TLR6: variants seen among roughly 807,000 people sequenced by gnomAD.
TLR6 encodes the protein toll-like receptor 6.
In TLR6, 9 loss-of-function variants were observed where a neutral mutation model predicts 16.1. That is an observed-to-expected ratio of 0.56 (90% confidence interval 0.34 to 0.98). The LOEUF (loss-of-function observed/expected upper bound fraction) is 0.98. Ranked by LOEUF, TLR6 falls within the 50% of genes least tolerant of loss-of-function variation. The probability of loss-of-function intolerance (pLI) is 0.02; values close to 1 mark genes in which losing one functional copy is unlikely to be tolerated. For missense variants in TLR6, 786 were observed against 921.0 expected, an observed-to-expected ratio of 0.85 and a Z score of 1.90; for synonymous variants, 340 against 338.6, an observed-to-expected ratio of 1.00 and a Z score of -0.04.
Position 38,828,653 on chromosome 4 carries a change from C to CA in TLR6, c.820dup (p.Trp274LeufsTer17). 1 of 1,614,050 alleles carries CA rather than the reference C, an allele frequency of 6.2e-7. No homozygotes were observed. Among genetic ancestry groups the CA allele is most frequent in the Non-Finnish European group, 8.5e-7 (1 of 1,179,984 alleles). On this transcript the variant is annotated frameshift_variant, in exon 2 of 2. Transcript: ENST00000436693. LOFTEE classifies it low-confidence loss of function (END_TRUNC). The stretch of plus-strand genomic sequence containing the variant: ...ATTGAGATATTCCACAGGTTTGGGC[C>CA]AAAGAAATTGAAAGACTCTGACCAG...
the TLR6 span, among the ~76,000 whole-genome samples, chr4:38,865,116 T>G: frequency 0.015 from 2,309 of 152,252 alleles, 115 homozygotes; most frequent in Admixed American, 0.086. Flanking sequence ...TTCAAACATA[T>G]CCGTAACATT....
chr4:38,856,711 G>T (rs1444304555), intron 1 of TLR6, 50 bp downstream of exon 1: 1 of 152,192 alleles, frequency 6.6e-6, no homozygotes, highest in Non-Finnish European at 1.5e-5. Flanking sequence ...TTGCTTACTT[G>T]AAGCACCTGT....
intron 1 of TLR6, among the ~76,000 whole-genome samples, chr4:38,837,864 G>A (rs1017255249): frequency 7.2e-5 from 11 of 152,024 alleles, no homozygotes; most frequent in Admixed American, 2.0e-4. Context: ...AAGACTAATA[G>A]CCACAATATA....
the TLR6 span, chr4:38,867,811 C>T: frequency 6.6e-6 from 1 of 152,496 alleles, no homozygotes; most frequent in Non-Finnish European, 1.5e-5. Flanking sequence ...TGGGCACTCC[C>T]GCGCGTACTC....
chr4:38,858,760 AGAGAGAGAGAGAGAGG>A (rs1713095294), upstream of TLR6, among the ~76,000 whole-genome samples: 2 of 23,456 alleles, frequency 8.5e-5, no homozygotes, highest in Non-Finnish European at 7.6e-5. Context: ...AGAGAGAGGG[AGAGAGAGAGAGAGAGG>A]GAGAGAGAGA....
At chr4:38,834,016 C>T (rs899344521) in intron 1 of TLR6, among the ~76,000 whole-genome samples, 12 of 150,730 alleles carry the variant, frequency 8.0e-5, no homozygotes, top group Middle Eastern at 3.4e-3. Context: ...CTCCTGAGGT[C>T]AGGAGTTCGA....
intron 1 of TLR6, among the ~76,000 whole-genome samples, chr4:38,839,477 C>T (rs1712140296): frequency 2.0e-5 from 3 of 152,008 alleles, no homozygotes; most frequent in Admixed American, 6.6e-5. Context: ...TTAGACCAGC[C>T]GGTTTGATAA....
chr4:38,853,335 A>C (rs900325699), intron 1 of TLR6, among the ~76,000 whole-genome samples: 8 of 151,858 alleles, frequency 5.3e-5, no homozygotes, highest in Non-Finnish European at 1.0e-4. Flanking sequence ...CATATATAAC[A>C]AACCTGCATG....
upstream of TLR6, among the ~76,000 whole-genome samples, chr4:38,861,001 C>T (rs915474042): frequency 3.9e-5 from 6 of 152,078 alleles, no homozygotes; most frequent in African/African-American, 9.7e-5. Flanking sequence ...GGACTGAGAC[C>T]TACACGCTGG....
chr4:38,849,026 G>C (rs563701803), intron 1 of TLR6, among the ~76,000 whole-genome samples: 38 of 152,336 alleles, frequency 2.5e-4, no homozygotes, highest in Middle Eastern at 3.4e-3. Flanking sequence ...GGCAGCCAGA[G>C]AGAAAGGTTG....
chr4:38,827,564 T>C lies in TLR6; in HGVS notation c.1910A>G (p.Gln637Arg). ...AAAAGCATGAAACTGGAGGTTTCTT[T>C]GGAGTTCTTCTAAGGGTATGTTCCT... Residue 637 changes from glutamine to arginine, a missense_variant, in exon 2 of 2, where the codon CAA becomes CGA. Gln to Arg is a conservative substitution (Grantham distance 43). Transcript: ENST00000436693. The C allele has an allele frequency of 6.2e-7, 1 of 1,614,220 alleles. No individual in the cohort carries two copies. Among genetic ancestry groups the C allele is most frequent in the Non-Finnish European group, 8.5e-7 (1 of 1,180,040 alleles).
intron 1 of TLR6, among the ~76,000 whole-genome samples, chr4:38,846,430 G>T (rs1712534025): frequency 6.6e-6 from 1 of 152,152 alleles, no homozygotes; most frequent in Non-Finnish European, 1.5e-5. Flanking sequence ...TTCACTGGAT[G>T]ACTTGAGTTG....
chr4:38,862,990 C>A, the TLR6 span, among the ~76,000 whole-genome samples: 1 of 150,832 alleles, frequency 6.6e-6, no homozygotes, highest in East Asian at 2.0e-4. Flanking sequence ...CTCCTTGCTC[C>A]TCTATATACC....
chr4:38,823,110 T>G (rs1727393309), downstream of TLR6, among the ~76,000 whole-genome samples: 1 of 152,132 alleles, frequency 6.6e-6, no homozygotes, highest in Non-Finnish European at 1.5e-5. Context: ...CCCGCCCCCA[T>G]GATGCAATCA....
chr4:38,861,067 C>A (rs889204367), upstream of TLR6, among the ~76,000 whole-genome samples: 3 of 152,082 alleles, frequency 2.0e-5, no homozygotes. Flanking sequence ...CCTTCACACA[C>A]CAGAGCCTGG....
At position 38,828,647 on chromosome 4, in the gene TLR6, T is replaced by G; in HGVS notation, c.827A>C (p.Lys276Thr). Residue 276 changes from lysine (K) to threonine (T), a missense_variant, in exon 2 of 2, where the codon AAA becomes ACA. Lys to Thr is a moderately conservative substitution (Grantham distance 78, BLOSUM62 -1). Transcript: ENST00000436693. ...GTAAATATTGAGATATTCCACAGGTTTGGGCCAAAGAAATTGAAAGACTCT... is the reference window on the plus strand; with the variant it reads ...GTAAATATTGAGATATTCCACAGGTGTGGGCCAAAGAAATTGAAAGACTCT... 2 of 1,614,134 alleles carry G rather than the reference T, an allele frequency of 1.2e-6. 1 individual carries two copies. Among genetic ancestry groups the G allele is most frequent in the Middle Eastern group, 3.3e-4 (2 of 6,060 alleles).
rs372762028 is a variant in TLR6, at chr4:38,830,747, G to C, written c.-64-1210C>G. 1.8e-3 allele frequency among the ~76,000 whole-genome samples: 276 copies of C among 152,152 alleles called. 1 individual carries two copies. The highest frequency in any genetic ancestry group is 6.2e-3 in the African/African-American group (256 of 41,504). ...ATAAATAAATAAATAAAACACCTCT[G>C]GGAAAGGGGGACAGAATTTGATTTC... On this transcript the variant is annotated intron_variant, in intron 1 of 1. Transcript: ENST00000436693.
In TLR6 at chr4:38,848,113, T is replaced by G. The variant is rs562578058; in HGVS notation, c.-65+8648A>C. On this transcript the variant is annotated intron_variant, in intron 1 of 1. Coordinates refer to ENST00000436693, the Ensembl canonical transcript of TLR6. The stretch of plus-strand genomic sequence containing the variant: ...CCAGAGGAACGATCAGGCAGCAACA[T>G]TTGCTGTTCAGCAATATTCGCTGTT... Among the ~76,000 whole-genome samples, 11 of 144,002 alleles carry G rather than the reference T, an allele frequency of 7.6e-5. No homozygotes were observed. The East Asian group carries it at 2.1e-3, about 28-fold the overall frequency. 94.5% of individuals were successfully genotyped at this position (144,002 alleles called of 152,430 possible). A position where few individuals can be genotyped will look rare whatever the true frequency, so the allele number is the denominator to read the frequency against.
At position 38,854,909 on chromosome 4, in the gene TLR6, T is replaced by A. The variant is rs555275098; in HGVS notation, c.-65+1852A>T. On this transcript the variant is annotated intron_variant, in intron 1 of 1. Coordinates refer to ENST00000436693, the Ensembl canonical transcript of TLR6. ...TGAAAAAATGATAATGTTAAATGAA[T>A]ACAGTAATAGAAAATTATGGCCGGG... is the stretch of plus-strand genomic sequence containing the variant. Among the ~76,000 whole-genome samples the A allele has an allele frequency of 5.3e-5, 8 of 152,218 alleles. No homozygotes were observed. The South Asian group carries it at 1.4e-3, about 28-fold the overall frequency.
Sources: gnomAD v4.1 joint callset for allele counts (sites outside exome capture counted in the v4.1 genomes callset) on GRCh38, gnomAD v4.1.1 for gene constraint, MANE v1.5 for transcripts, NCBI Gene and HGNC (gene_info 2026-07-23, HGNC 2026-07-21) for gene names.